CCDC102B: variants seen among roughly 807,000 people sequenced by gnomAD.
The protein encoded by CCDC102B is coiled-coil domain containing 102B.
Under a neutral mutation model 57.4 loss-of-function variants are expected in CCDC102B, and 75 were observed. That is an observed-to-expected ratio of 1.31 (90% CI 1.08 to 1.58). CCDC102B has a LOEUF of 1.58. Among genes scored for constraint, CCDC102B ranks in the 40% most tolerant of loss-of-function variants. The pLI is 0.00. For synonymous variants in CCDC102B, 206 were observed against 201.9 expected, an observed-to-expected ratio of 1.02 and a Z score of -0.17; for missense variants, 636 against 582.6, an observed-to-expected ratio of 1.09 and a Z score of -0.94.
chr18:68,789,776 T>C (rs2035358800), intron 2 of CCDC102B, among the ~76,000 whole-genome samples: 1 of 147,012 alleles, frequency 6.8e-6, no homozygotes, highest in African/African-American at 2.6e-5. Flanking sequence ...TTGGTTTGAA[T>C]GTCCTCCCGT....
Position 68,899,295 on chromosome 18 carries a change from T to C in CCDC102B, c.1263+1867T>C, listed in dbSNP as rs1398326476. Among the ~76,000 whole-genome samples, 4 of 152,048 alleles carry C rather than the reference T, an allele frequency of 2.6e-5. No homozygotes were observed. The East Asian group carries it at 7.7e-4, about 29-fold the overall frequency. On this transcript the variant is annotated intron_variant, in intron 6 of 7. Coordinates refer to ENST00000360242, the MANE Select transcript of CCDC102B (RefSeq NM_024781.3). ...AAATGTCAAATGAATCAGAGCTGTG[T>C]ACAGAACATGCCAAGGTTTAGGGAA...
chr18:68,746,104 T>TA (rs2033608656), intron 2 of CCDC102B, among the ~76,000 whole-genome samples: 2 of 152,186 alleles, frequency 1.3e-5, no homozygotes, highest in African/African-American at 4.8e-5. Context: ...TAGCAAATTT[T>TA]AAAAAACATA....
At chr18:68,828,477 G>A (rs1486448811) in intron 1 of CCDC102B, among the ~76,000 whole-genome samples, 1 of 151,418 alleles carries the variant, frequency 6.6e-6, no homozygotes, top group East Asian at 1.9e-4. Flanking sequence ...GACAACACAT[G>A]TCTAAATAAT....
At chr18:68,775,473 A>T (rs759127882) in intron 2 of CCDC102B, among the ~76,000 whole-genome samples, 2 of 151,880 alleles carry the variant, frequency 1.3e-5, no homozygotes, top group African/African-American at 4.8e-5. Flanking sequence ...CCAAGTATGG[A>T]ATTTAATTTT....
intron 7 of CCDC102B, among the ~76,000 whole-genome samples, chr18:69,019,488 G>A (rs543546027): frequency 6.6e-6 from 1 of 151,474 alleles, no homozygotes; most frequent in Admixed American, 6.6e-5. Context: ...TTTTCTTATT[G>A]TGAGTGGGAT....
intron 4 of CCDC102B, among the ~76,000 whole-genome samples, chr18:68,870,540 A>G (rs2039199350): frequency 6.6e-6 from 1 of 152,216 alleles, no homozygotes; most frequent in Non-Finnish European, 1.5e-5. Context: ...AAGGTATGAA[A>G]TTCCAAGTAC....
chr18:68,999,963 C>A (rs945551123), intron 6 of CCDC102B, among the ~76,000 whole-genome samples: 1 of 152,130 alleles, frequency 6.6e-6, no homozygotes, highest in Admixed American at 6.5e-5. Context: ...GCATTCATTT[C>A]TTTCCTATTG....
At chr18:68,980,775 G>A (rs1363772464) in intron 6 of CCDC102B, among the ~76,000 whole-genome samples, 3 of 152,138 alleles carry the variant, frequency 2.0e-5, no homozygotes, top group South Asian at 2.1e-4. Flanking sequence ...TGGTTTAAGC[G>A]GGAGTGAGAC....
intron 2 of CCDC102B, among the ~76,000 whole-genome samples, chr18:68,729,723 T>A (rs2032772527): frequency 6.6e-6 from 1 of 152,152 alleles, no homozygotes; most frequent in Non-Finnish European, 1.5e-5. Flanking sequence ...ATAGAACATC[T>A]TTGATACTTA....
chr18:68,873,129 C>T (rs1227580420), intron 4 of CCDC102B, among the ~76,000 whole-genome samples: 3 of 152,108 alleles, frequency 2.0e-5, no homozygotes, highest in African/African-American at 7.2e-5. Flanking sequence ...GTTTTATACT[C>T]TTTTGGCCAG....
chr18:68,844,586 A>C (rs1340410442), intron 3 of CCDC102B, among the ~76,000 whole-genome samples: 1 of 151,886 alleles, frequency 6.6e-6, no homozygotes, highest in African/African-American at 2.4e-5. Flanking sequence ...GGTCTAAGTC[A>C]ATACTCAATA....
intron 7 of CCDC102B, among the ~76,000 whole-genome samples, chr18:69,043,664 A>T (rs1298898535): frequency 2.6e-5 from 4 of 152,254 alleles, no homozygotes; most frequent in South Asian, 2.1e-4. Context: ...GACACAGCAC[A>T]TGTTTCAGAG....
Position 68,952,468 on chromosome 18 carries a change from G to A in CCDC102B, c.1263+55040G>A, listed in dbSNP as rs144954369. On this transcript the variant is annotated intron_variant, in intron 6 of 7. Transcript: ENST00000360242. ...AGAATGAGAAGAAATAGGTTATAGA[G>A]TAGATAACAGTCTGGGATAAAGGAA... 3.3e-3 allele frequency among the ~76,000 whole-genome samples: 503 copies of A among 152,198 alleles called. 1 individual carries two copies. The highest frequency in any genetic ancestry group is 0.011 in the African/African-American group (473 of 41,538).
intron 2 of CCDC102B, among the ~76,000 whole-genome samples, chr18:68,759,901 T>C (rs766649540): frequency 1.3e-5 from 2 of 152,022 alleles, no homozygotes; most frequent in African/African-American, 2.4e-5. Context: ...GGGGTTACAT[T>C]TGATGAAGAA....
chr18:68,957,308 T>A (rs1006029305), intron 6 of CCDC102B, among the ~76,000 whole-genome samples: 1 of 151,916 alleles, frequency 6.6e-6, no homozygotes, highest in African/African-American at 2.4e-5. Context: ...TGATAGGGGG[T>A]TTAGTTTCAT....
intron 7 of CCDC102B, among the ~76,000 whole-genome samples, chr18:69,012,746 T>C (rs1459185985): frequency 6.6e-6 from 1 of 152,144 alleles, no homozygotes; most frequent in Non-Finnish European, 1.5e-5. Context: ...AGCTATGCCT[T>C]TGCTGACCCA....
At chr18:68,748,974 A>C (rs1264481565) in intron 2 of CCDC102B, among the ~76,000 whole-genome samples, 1 of 152,204 alleles carries the variant, frequency 6.6e-6, no homozygotes, top group Non-Finnish European at 1.5e-5. Flanking sequence ...GAAGGGATCC[A>C]GTTTCAGCTT....
chr18:68,765,312 GGAAGGAAGGAAGGAAAGAAAGAAA>G (rs201842242), intron 2 of CCDC102B, among the ~76,000 whole-genome samples: 8,376 of 99,436 alleles, frequency 0.084, 299 homozygotes, highest in East Asian at 0.13. Flanking sequence ...AAGGAAGGAA[GGAAGGAAGGAAGGAAAGAAAGAAA>G]GAAAGAAAGA....
rs542273331 is a variant in CCDC102B, at chr18:68,763,721, A to G, written c.-67+47127A>G. Among the ~76,000 whole-genome samples, 23 of 133,310 alleles carry G rather than the reference A, an allele frequency of 1.7e-4. 1 individual carries two copies. Among genetic ancestry groups the G allele is most frequent in the African/African-American group, 7.3e-4 (22 of 30,100 alleles). 87.5% of individuals were successfully genotyped at this position (133,310 alleles called of 152,430 possible). A position where few individuals can be genotyped will look rare whatever the true frequency, so the allele number is the denominator to read the frequency against. On this transcript the variant is annotated intron_variant, in intron 2 of 3. Transcript: ENST00000578970. The stretch of plus-strand genomic sequence containing the variant: ...TCAATACAGACAAATATTCCTCAAT[A>G]CAGACAAATATTCCTCAATACAGAC...
Sources: gnomAD v4.1 joint callset for allele counts (sites outside exome capture counted in the v4.1 genomes callset) on GRCh38, gnomAD v4.1.1 for gene constraint, MANE v1.5 for transcripts, NCBI Gene and HGNC (gene_info 2026-07-23, HGNC 2026-07-21) for gene names.